The following WDPCP variants were observed in gnomAD, a reference collection of about 807,000 sequenced individuals.
WDPCP encodes WD repeat containing planar cell polarity effector.
WDPCP carries 71 observed loss-of-function variants against 93.1 expected under a neutral mutation model. That is an observed-to-expected ratio of 0.76 (90% CI 0.63 to 0.93). The LOEUF (loss-of-function observed/expected upper bound fraction) is 0.93, where lower values mean the gene tolerates loss of function less well. WDPCP is among the 40% of genes least tolerant of loss of function. The pLI, the probability that WDPCP is intolerant of heterozygous loss-of-function variation, is 0.00. For synonymous variants in WDPCP, 315 were observed against 315.0 expected (o/e 1.00, Z 0.00); for missense variants, 844 against 887.4 (o/e 0.95, Z 0.62).
intron 2 of WDPCP, among the ~76,000 whole-genome samples, chr2:63,701,508 A>G (rs1213254211): frequency 6.6e-6 from 1 of 152,256 alleles, no homozygotes; most frequent in African/African-American, 2.4e-5. Context: ...ATATATAGCC[A>G]AAAGAAATGA....
chr2:63,309,468 C>T (rs1686012606), intron 13 of WDPCP, among the ~76,000 whole-genome samples: 1 of 152,014 alleles, frequency 6.6e-6, no homozygotes, highest in Non-Finnish European at 1.5e-5. Context: ...CCAGTCTGAG[C>T]AACATAGTGA....
chr2:63,408,508 C>T (rs977970706), intron 9 of WDPCP, among the ~76,000 whole-genome samples: 1 of 152,260 alleles, frequency 6.6e-6, no homozygotes, highest in African/African-American at 2.4e-5. Flanking sequence ...AGAAGGAAGA[C>T]GGGTAAAACT....
At chr2:63,620,095 C>A (rs1463783463) in intron 3 of WDPCP, among the ~76,000 whole-genome samples, 2 of 152,148 alleles carry the variant, frequency 1.3e-5, no homozygotes, top group Admixed American at 1.3e-4. Context: ...AACTGGGTGG[C>A]CATTTGGGCA....
chr2:63,316,802 T>A (rs1016893420), intron 12 of WDPCP, among the ~76,000 whole-genome samples: 5 of 152,176 alleles, frequency 3.3e-5, no homozygotes, highest in African/African-American at 1.2e-4. Flanking sequence ...CAAAATCCCA[T>A]AGTCTCTGCC....
At chr2:63,373,670 G>A (rs1691601995) in intron 12 of WDPCP, among the ~76,000 whole-genome samples, 1 of 151,032 alleles carries the variant, frequency 6.6e-6, no homozygotes, top group Admixed American at 6.6e-5. Flanking sequence ...CTCATTGTGT[G>A]TTTTCTATTT....
Position 63,599,429 on chromosome 2 carries a change from A to G in WDPCP, n.488+51230T>C, listed in dbSNP as rs1709380929. ...GGAACCTATTACTTTTATTAAATTA[A>G]AAGTAAATTATTATTCATTTGTTAG... On this transcript the variant is annotated intron_variant and non_coding_transcript_variant, in intron 3 of 4. Coordinates refer to the WDPCP transcript ENST00000467687. 6.0e-6 allele frequency: 5 copies of G among 834,678 alleles called. No homozygotes were observed. The Middle Eastern group carries it at 2.0e-3, about 329-fold the overall frequency. 51.7% of individuals were successfully genotyped at this position (834,678 alleles called of 1,614,324 possible).
intron 14 of WDPCP, among the ~76,000 whole-genome samples, chr2:63,192,686 C>A (rs922762788): frequency 1.3e-5 from 2 of 152,176 alleles, no homozygotes; most frequent in Non-Finnish European, 2.9e-5. Flanking sequence ...CTGCTGAAGT[C>A]AAAAGAAGAG....
At chr2:63,247,498 G>C (rs1680374657) in intron 14 of WDPCP, among the ~76,000 whole-genome samples, 1 of 152,122 alleles carries the variant, frequency 6.6e-6, no homozygotes, top group Non-Finnish European at 1.5e-5. Context: ...GGGTGGCTCA[G>C]ACAGTGACAC....
chr2:63,247,433 A>G (rs1178578580), intron 14 of WDPCP, among the ~76,000 whole-genome samples: 1 of 152,210 alleles, frequency 6.6e-6, no homozygotes. Flanking sequence ...TATTGGTAGC[A>G]TATAAATTCA....
chr2:63,122,038 AACC>A lies in WDPCP; in HGVS notation c.2206_2208del (p.Gly736del). ...AGACCAAAGTGAATCATTTTGAGAG[AACC>A]ACCATCTCTGATTTCCTGCAAATAA... On this transcript the variant is annotated inframe_deletion, in exon 18 of 18. Transcript: ENST00000272321. 1 of 1,613,022 alleles carries A rather than the reference AACC, an allele frequency of 6.2e-7. No homozygotes were observed. The highest frequency in any genetic ancestry group is 8.5e-7 in the Non-Finnish European group (1 of 1,179,290).
In WDPCP at chr2:63,705,772, T is replaced by C. The variant is rs1669142341; in HGVS notation, n.309-54934A>G. 1.4e-5 allele frequency among the ~76,000 whole-genome samples: 2 copies of C among 147,638 alleles called. 1 individual carries two copies. Among genetic ancestry groups the C allele is most frequent in the South Asian group, 4.3e-4 (2 of 4,660 alleles). On this transcript the variant is annotated intron_variant and non_coding_transcript_variant, in intron 2 of 4. Transcript: ENST00000467687. ...GTGATGCTGAGAAGAATGTGTATTC[T>C]GTTGATCTGGGGTGGAGAGTTCTGT...
intron 12 of WDPCP, among the ~76,000 whole-genome samples, chr2:63,350,979 A>T (rs185865122): frequency 0.013 from 1,896 of 150,180 alleles, 52 homozygotes; most frequent in African/African-American, 0.044. Flanking sequence ...ACATTTATTT[A>T]TTATTATTAT....
At chr2:63,670,860 A>C (rs1188529323) in intron 2 of WDPCP, among the ~76,000 whole-genome samples, 1 of 152,162 alleles carries the variant, frequency 6.6e-6, no homozygotes, top group African/African-American at 2.4e-5. Flanking sequence ...CATCTAAGGC[A>C]CAAGTATGAA....
intron 2 of WDPCP, among the ~76,000 whole-genome samples, chr2:63,656,698 T>C (rs1710170309): frequency 6.6e-6 from 1 of 152,232 alleles, no homozygotes; most frequent in African/African-American, 2.4e-5. Flanking sequence ...TTCAAGGTGC[T>C]GAAGACAGAG....
intron 2 of WDPCP, among the ~76,000 whole-genome samples, chr2:63,774,687 C>G (rs914340150): frequency 6.6e-6 from 1 of 152,140 alleles, no homozygotes; most frequent in Admixed American, 6.6e-5. Flanking sequence ...GGCCAACAGT[C>G]CTCCTAGTTG....
chr2:63,362,541 G>T (rs1279304307), intron 12 of WDPCP, among the ~76,000 whole-genome samples: 1 of 151,822 alleles, frequency 6.6e-6, no homozygotes, highest in African/African-American at 2.4e-5. Flanking sequence ...TGTCCCCTGT[G>T]GTCTGAGTGA....
intron 2 of WDPCP, among the ~76,000 whole-genome samples, chr2:63,781,416 A>C (rs544778733): frequency 2.6e-4 from 39 of 152,302 alleles, no homozygotes; most frequent in Middle Eastern, 3.4e-3. Flanking sequence ...GAAGGGATAG[A>C]GTGCCTACTC....
intron 12 of WDPCP, among the ~76,000 whole-genome samples, chr2:63,353,875 A>G (rs1039303870): frequency 1.3e-5 from 2 of 152,162 alleles, no homozygotes; most frequent in African/African-American, 4.8e-5. Context: ...CAGCAGCCCT[A>G]TAGAAAAGTG....
chr2:63,739,673 T>G (rs545373169), intron 2 of WDPCP, among the ~76,000 whole-genome samples: 9 of 152,166 alleles, frequency 5.9e-5, no homozygotes, highest in African/African-American at 2.2e-4. Flanking sequence ...AGAGGAATGG[T>G]TGAACTAATT....
Sources: gnomAD v4.1 joint callset for allele counts (sites outside exome capture counted in the v4.1 genomes callset) on GRCh38, gnomAD v4.1.1 for gene constraint, MANE v1.5 for transcripts, NCBI Gene and HGNC (gene_info 2026-07-23, HGNC 2026-07-21) for gene names.